DYNC1H1: variants seen among roughly 807,000 people sequenced by gnomAD.
DYNC1H1 encodes dynein cytoplasmic 1 heavy chain 1, also known as cytoplasmic dynein 1 heavy chain 1.
A neutral mutation model predicts 527.1 loss-of-function variants in DYNC1H1; 51 were observed. The observed-to-expected ratio is 0.10, with a 90% CI of 0.08 to 0.12. DYNC1H1 has a LOEUF of 0.12. Ranked by LOEUF, DYNC1H1 falls within the 10% of genes least tolerant of loss-of-function variation. DYNC1H1 has a pLI of 1.00. For missense variants in DYNC1H1, 2,771 were observed against 5,971.8 expected, an observed-to-expected ratio of 0.46 and a Z score of 17.66; for synonymous variants, 2,189 against 2,278.8, an observed-to-expected ratio of 0.96 and a Z score of 1.12.
intron 7 of DYNC1H1, among the ~76,000 whole-genome samples, chr14:101,984,445 A>ATTTTTTTT (rs1444213016): frequency 3.2e-5 from 3 of 92,850 alleles, no homozygotes; most frequent in African/African-American, 1.2e-4. Context: ...ATATATATAT[A>ATTTTTTTT]TTATATTTTT....
chr14:102,008,488 C>G lies in DYNC1H1; in HGVS notation c.5977+151C>G, dbSNP rs184351755. On this transcript the variant is annotated intron_variant, in intron 29 of 77. Transcript: ENST00000360184. Reference sequence around the variant, plus strand: ...CAGTGTAGTGAGCTGTGGTTAAAGACGGAAGGTAAGAAACCCAGGCCAGGC... The same window carrying G: ...CAGTGTAGTGAGCTGTGGTTAAAGAGGGAAGGTAAGAAACCCAGGCCAGGC... 49 of 1,187,168 alleles carry G rather than the reference C, an allele frequency of 4.1e-5. No homozygotes were observed. In the East Asian group the frequency reaches 7.1e-4, roughly 17 times the overall value. The allele number at this position is 1,187,168 out of a possible 1,614,324, so 73.5% of individuals were successfully genotyped here.
rs924089554 is a variant in DYNC1H1, at chr14:101,985,601, G to A, written c.1462-86G>A. On this transcript the variant is annotated intron_variant, in intron 7 of 77. Coordinates refer to ENST00000360184, the MANE Select transcript of DYNC1H1 (RefSeq NM_001376.5). The surrounding 1 kb of genome is among the most constrained non-coding windows in gnomAD (Gnocchi z 5.9). ...GGCCTCCCAAAGTGCTGGGATTACA[G>A]GTGTGAGCCACTGCACCCGGCTTAA... 34 of 1,470,534 alleles carry A rather than the reference G, an allele frequency of 2.3e-5. No homozygotes were observed. The highest frequency in any genetic ancestry group is 3.1e-5 in the Non-Finnish European group (33 of 1,055,136). The allele number at this position is 1,470,534 out of a possible 1,614,324, so 91.1% of individuals were successfully genotyped here.
intron 48 of DYNC1H1, chr14:102,028,345 CTA>C (rs1434330363): frequency 3.7e-6 from 2 of 547,346 alleles, no homozygotes; most frequent in Non-Finnish European, 6.5e-6. Context: ...GACCCCATCT[CTA>C]CAAAAAATAC....
chr14:102,011,733 CAGAG>C lies in DYNC1H1; in HGVS notation c.6619-136_6619-133del. ...TGCCACTGCATTCCAGTCTGGGTGA[CAGAG>C]AGAGACTCCGTTTCAGGAAAAAAAA... On this transcript the variant is annotated intron_variant, in intron 32 of 77. Coordinates refer to ENST00000360184, the MANE Select transcript of DYNC1H1 (RefSeq NM_001376.5). The surrounding 1 kb of genome is among the most constrained non-coding windows in gnomAD (Gnocchi z 5.3). 1.2e-6 allele frequency: 1 copy of C among 844,652 alleles called. No individual in the cohort carries two copies. The allele number at this position is 844,652 out of a possible 1,614,324, so 52.3% of individuals were successfully genotyped here. A position where few individuals can be genotyped will look rare whatever the true frequency, so the allele number is the denominator to read the frequency against.
Position 102,052,945 on chromosome 14 carries a change from G to C in DYNC1H1, c.*2382G>C. On this transcript the variant is annotated 3_prime_UTR_variant, in exon 78 of 78. Transcript: ENST00000360184. ...TGTCACCCAGAGAACAGTCGTTGCAGCTCCAGTTGGAATGACTGGGGGTGT... is the reference window on the plus strand; with the variant it reads ...TGTCACCCAGAGAACAGTCGTTGCACCTCCAGTTGGAATGACTGGGGGTGT... 1 of 152,216 alleles carries C rather than the reference G, an allele frequency of 6.6e-6. No individual in the cohort carries two copies. The highest frequency in any genetic ancestry group is 1.9e-4 in the East Asian group (1 of 5,196). 9.4% of individuals were successfully genotyped at this position (152,216 alleles called of 1,614,324 possible). A position where few individuals can be genotyped will look rare whatever the true frequency, so the allele number is the denominator to read the frequency against.
At chr14:102,004,198 C>G (rs1034940830) in intron 23 of DYNC1H1, among the ~76,000 whole-genome samples, 1 of 151,290 alleles carries the variant, frequency 6.6e-6, no homozygotes, top group South Asian at 2.1e-4. Context: ...GAGCCGAGAT[C>G]GTGCCACTGC....
chr14:101,970,336 G>T (rs1020839473), intron 1 of DYNC1H1, among the ~76,000 whole-genome samples: 2 of 151,924 alleles, frequency 1.3e-5, no homozygotes, highest in East Asian at 3.9e-4. Flanking sequence ...TGAAAGGGTG[G>T]ACATGCAGGT....
rs573819401 is a variant in DYNC1H1, at chr14:102,042,420, G to T, written c.12312G>T (p.Gly4104=). The T allele has an allele frequency of 3.7e-6, 6 of 1,614,200 alleles. No individual in the cohort carries two copies. The highest frequency in any genetic ancestry group is 5.1e-6 in the Non-Finnish European group (6 of 1,180,034). ...VMLKNVHLAP[G]WLMQLEKKLH... is the part of the protein sequence containing the mutation. ...TGAAGAATGTGCATCTGGCCCCAGG[G>T]TGGCTGATGCAGCTGGAGAAGAAGT... is the stretch of plus-strand genomic sequence containing the variant. The change falls in exon 68 of 78, where the codon GGG becomes GGT. Residue 4104 remains glycine (G), a synonymous_variant. Coordinates refer to ENST00000360184, the MANE Select transcript of DYNC1H1 (RefSeq NM_001376.5). This position sits in a 1 kb window ranked among gnomAD's most constrained non-coding sequence, Gnocchi z 5.7.
chr14:102,034,813 T>C (rs10142490), intron 56 of DYNC1H1: 100,422 of 358,876 alleles, frequency 0.28, 18,350 homozygotes, highest in African/African-American at 0.66. Context: ...GTAATCCCAG[T>C]TACTCAGGAG....
intron 1 of DYNC1H1, among the ~76,000 whole-genome samples, chr14:101,966,819 A>T (rs1321759827): frequency 1.3e-5 from 2 of 152,054 alleles, no homozygotes; most frequent in Non-Finnish European, 2.9e-5. Flanking sequence ...ACGTTGCTAA[A>T]ATTATTGGGG....
rs538977767 is a variant in DYNC1H1 at position 101,965,907 on chromosome 14, C to T, written c.256+960C>T. Among the ~76,000 whole-genome samples, 28 of 151,948 alleles carry T rather than the reference C, an allele frequency of 1.8e-4. No homozygotes were observed. The highest frequency in any genetic ancestry group is 3.8e-4 in the Non-Finnish European group (26 of 68,004). On this transcript the variant is annotated intron_variant, in intron 1 of 77. Coordinates refer to ENST00000360184, the MANE Select transcript of DYNC1H1 (RefSeq NM_001376.5). The surrounding 1 kb of genome is among the most constrained non-coding windows in gnomAD (Gnocchi z 4.1). ...CAGCTGTCTCCTCAAATAATGATCG[C>T]CCACCAGCAAGGTTACATTCATCTA...
At position 102,036,329 on chromosome 14, in the gene DYNC1H1, G is replaced by A; in HGVS notation, c.10755-160G>A. On this transcript the variant is annotated intron_variant, in intron 56 of 77. Coordinates refer to ENST00000360184, the MANE Select transcript of DYNC1H1 (RefSeq NM_001376.5). The surrounding 1 kb of genome is among the most constrained non-coding windows in gnomAD (Gnocchi z 5.6). ...ATGAGGTGATGTTAGCATTAAGCAT[G>A]TAAGCTTTATTGGTAAACCTGAAAA... 5.9e-6 allele frequency: 5 copies of A among 843,100 alleles called. No individual in the cohort carries two copies. Among genetic ancestry groups the A allele is most frequent in the Non-Finnish European group, 9.7e-6 (5 of 513,700 alleles). The allele number at this position is 843,100 out of a possible 1,614,324, so 52.2% of individuals were successfully genotyped here. A position where few individuals can be genotyped will look rare whatever the true frequency, so the allele number is the denominator to read the frequency against.
At position 102,041,277 on chromosome 14, in the gene DYNC1H1, C is replaced by T; in HGVS notation, c.11942-297C>T. 2.2e-6 allele frequency: 1 copy of T among 449,994 alleles called. No homozygotes were observed. The highest frequency in any genetic ancestry group is 4.1e-6 in the Non-Finnish European group (1 of 241,968). 27.9% of individuals were successfully genotyped at this position (449,994 alleles called of 1,614,324 possible). On this transcript the variant is annotated intron_variant, in intron 64 of 77. Coordinates refer to ENST00000360184, the MANE Select transcript of DYNC1H1 (RefSeq NM_001376.5). The surrounding 1 kb of genome is among the most constrained non-coding windows in gnomAD (Gnocchi z 4.5). The stretch of plus-strand genomic sequence containing the variant: ...TGTGGAGGGCAGAGCGTGGAGCCCC[C>T]TTCCTGAGTACCTTCAGGTGTTCTC...
chr14:101,982,122 AC>A (rs2047874103), intron 5 of DYNC1H1, among the ~76,000 whole-genome samples: 1 of 152,086 alleles, frequency 6.6e-6, no homozygotes, highest in South Asian at 2.1e-4. Context: ...AGGGGCGCAA[AC>A]CCTGTTGTGA....
In DYNC1H1 at chr14:102,016,119, C is replaced by T; in HGVS notation, c.7473+33C>T. On this transcript the variant is annotated intron_variant, in intron 36 of 77. Transcript: ENST00000360184. The surrounding 1 kb of genome is among the most constrained non-coding windows in gnomAD (Gnocchi z 7.3). ...GGCATCAGGGGCTTCACAGAGCTCACCACTGCGCCAGACCACAGGTCTGAG... is the reference window on the plus strand; with the variant it reads ...GGCATCAGGGGCTTCACAGAGCTCATCACTGCGCCAGACCACAGGTCTGAG... 6.4e-7 allele frequency: 1 copy of T among 1,572,700 alleles called. No homozygotes were observed. The highest frequency in any genetic ancestry group is 1.2e-5 in the South Asian group (1 of 86,774).
At position 101,995,268 on chromosome 14, in the gene DYNC1H1, C is replaced by T. The variant is rs1459407759; in HGVS notation, c.3532C>T (p.Arg1178Trp). The T allele has an allele frequency of 6.2e-7, 1 of 1,614,174 alleles. No homozygotes were observed. Among genetic ancestry groups the T allele is most frequent in the Non-Finnish European group, 8.5e-7 (1 of 1,180,038 alleles). Residue 1178 changes from arginine to tryptophan, a missense_variant, in exon 15 of 78, where the codon CGG becomes TGG. By Grantham distance (101) the Arg-to-Trp change is moderately radical. Coordinates refer to ENST00000360184, the MANE Select transcript of DYNC1H1 (RefSeq NM_001376.5). ...TFITYVQSLK[R>W]KIKQFEKQVE... ...CATCACCTATGTGCAGTCTTTGAAA[C>T]GGAAGATCAAGCAGTTTGAGAAGCA...
rs2048179683 is a variant in DYNC1H1, at chr14:102,004,962, T to A, written c.5238+12T>A. 1 of 1,614,094 alleles carries A rather than the reference T, an allele frequency of 6.2e-7. No homozygotes were observed. Among genetic ancestry groups the A allele is most frequent in the Admixed American group, 1.7e-5 (1 of 60,008 alleles). On this transcript the variant is annotated intron_variant, in intron 25 of 77. Coordinates refer to ENST00000360184, the MANE Select transcript of DYNC1H1 (RefSeq NM_001376.5). The stretch of plus-strand genomic sequence containing the variant: ...TTGATAAATACCAGGTAATCTATAG[T>A]AGAAGTGAGTGGGCTCGTGGTGAAA...
chr14:102,044,786 G>T lies in DYNC1H1; in HGVS notation c.13006+88G>T, dbSNP rs1236709103. On this transcript the variant is annotated intron_variant, in intron 72 of 77. Transcript: ENST00000360184. The surrounding 1 kb of genome is among the most constrained non-coding windows in gnomAD (Gnocchi z 7.1). The stretch of plus-strand genomic sequence containing the variant: ...GGTGGCGAGGGTCCCCACACGCAGG[G>T]TGAGTGTGCACTGCTGTCCCAGGGC... 1 of 1,474,288 alleles carries T rather than the reference G, an allele frequency of 6.8e-7. No individual in the cohort carries two copies. The highest frequency in any genetic ancestry group is 9.4e-7 in the Non-Finnish European group (1 of 1,062,844). 91.3% of individuals were successfully genotyped at this position (1,474,288 alleles called of 1,614,324 possible). A position where few individuals can be genotyped will look rare whatever the true frequency, so the allele number is the denominator to read the frequency against.
Position 102,016,870 on chromosome 14 carries a change from C to T in DYNC1H1, c.7719C>T (p.Asp2573=), listed in dbSNP as rs1390975626. The T allele has an allele frequency of 1.1e-5, 17 of 1,614,080 alleles. No homozygotes were observed. The highest frequency in any genetic ancestry group is 1.4e-5 in the Non-Finnish European group (16 of 1,180,054). ...CTGATGTCGTCGTGCCAACGCTGGA[C>T]ACAGTCCGCCACGAAGCCCTCTTGT... The part of the protein sequence containing the change: ...AAPDVVVPTL[D]TVRHEALLYT... Residue 2573 remains aspartate (D), a synonymous_variant, in exon 38 of 78, where the codon GAC becomes GAT. Transcript: ENST00000360184. This position sits in a 1 kb window ranked among gnomAD's most constrained non-coding sequence, Gnocchi z 7.3.
Sources: gnomAD v4.1 joint callset for allele counts (sites outside exome capture counted in the v4.1 genomes callset) on GRCh38, gnomAD v4.1.1 for gene constraint, Gnocchi (gnomAD v3.1) non-coding constraint, MANE v1.5 for transcripts, NCBI Gene and HGNC (gene_info 2026-07-23, HGNC 2026-07-21) for gene names.